ADGRE3: variants seen among roughly 807,000 people sequenced by gnomAD.
ADGRE3 encodes adhesion G protein-coupled receptor E3, also known as EGF-like module receptor 3.
ADGRE3 carries 88 observed loss-of-function variants against 80.1 expected under a neutral mutation model. That is an observed-to-expected ratio of 1.10 (90% CI 0.93 to 1.31). The LOEUF (loss-of-function observed/expected upper bound fraction) is 1.31, where lower values mean the gene tolerates loss of function less well. Among genes scored for constraint, ADGRE3 ranks in the 40% most tolerant of loss-of-function variants. ADGRE3 has a pLI of 0.00. For synonymous variants in ADGRE3, 281 were observed against 294.8 expected (o/e 0.95, Z 0.48); for missense variants, 715 against 776.5 (o/e 0.92, Z 0.94).
downstream of ADGRE3, among the ~76,000 whole-genome samples, chr19:14,615,060 C>T (rs1221282648): frequency 6.6e-6 from 1 of 151,978 alleles, no homozygotes; most frequent in Non-Finnish European, 1.5e-5. Context: ...TAACCAACCC[C>T]ATTTTATACC....
chr19:14,638,032 C>T, intron 11 of ADGRE3, 73 bp downstream of exon 11: 1 of 1,063,384 alleles, frequency 9.4e-7, no homozygotes. Flanking sequence ...ATATTCCCAC[C>T]ATCATCATGA....
At chr19:14,636,070 CCTTT>C (rs1568481081) in intron 11 of ADGRE3, among the ~76,000 whole-genome samples, 13 of 103,260 alleles carry the variant, frequency 1.3e-4, no homozygotes, top group Middle Eastern at 4.5e-3. Flanking sequence ...CCTTTCCTTT[CCTTT>C]CCTTTCCCTT....
At chr19:14,610,116 A>G in the ADGRE3 span, 3 of 1,612,060 alleles carry the variant, frequency 1.9e-6, no homozygotes, top group East Asian at 6.7e-5. Context: ...CTGTGCTACC[A>G]TGAACAAAGG....
At chr19:14,641,817 G>A (rs1333545520) in intron 9 of ADGRE3, among the ~76,000 whole-genome samples, 1 of 152,108 alleles carries the variant, frequency 6.6e-6, no homozygotes, top group African/African-American at 2.4e-5. Flanking sequence ...AATGTAGACT[G>A]CCAATGTAGA....
chr19:14,638,752 C>T (rs2146834930), intron 10 of ADGRE3, among the ~76,000 whole-genome samples: 1 of 152,200 alleles, frequency 6.6e-6, no homozygotes, highest in South Asian at 2.1e-4. Context: ...TAAACTAAGA[C>T]TTTGTATACT....
the ADGRE3 span, among the ~76,000 whole-genome samples, chr19:14,603,606 C>G: frequency 6.6e-6 from 1 of 151,912 alleles, no homozygotes; most frequent in African/African-American, 2.4e-5. Flanking sequence ...ACTATAGTCA[C>G]GTGCCACCAC....
In ADGRE3 at chr19:14,662,264, C is replaced by T. The variant is rs74836480; in HGVS notation, c.200-146G>A. On this transcript the variant is annotated intron_variant, in intron 3 of 15. Coordinates refer to ENST00000253673, the MANE Select transcript of ADGRE3 (RefSeq NM_032571.5). ...TTAGGTAATGGTTATCTTGGTTTTT[C>T]GCTTTCTTCATTGACTTTGGTGGGG... is the stretch of plus-strand genomic sequence containing the variant. The T allele has an allele frequency of 9.3e-3, 6,739 of 723,514 alleles. 327 individuals carry two copies. The African/African-American group carries it at 0.11, about 12-fold the overall frequency. 44.8% of individuals were successfully genotyped at this position (723,514 alleles called of 1,614,324 possible).
Position 14,662,042 on chromosome 19 carries a change from G to T in ADGRE3, c.276C>A (p.Phe92Leu). Residue 92 changes from phenylalanine (F) to leucine (L), a missense_variant, in exon 4 of 16, where the codon TTC becomes TTA. Physicochemically the swap from Phe to Leu is conservative, Grantham distance 22. Coordinates refer to ENST00000253673, the MANE Select transcript of ADGRE3 (RefSeq NM_032571.5). The stretch of plus-strand genomic sequence containing the variant: ...TATATCCTGGGACACATTGACAGTA[G>T]AAACTTCCTTCGACATTGTAACACA... ...NAVCYNVEGS[F>L]YCQCVPGYRL... 6.2e-7 allele frequency: 1 copy of T among 1,614,050 alleles called. No individual in the cohort carries two copies. The highest frequency in any genetic ancestry group is 1.1e-5 in the South Asian group (1 of 91,080).
chr19:14,645,747 GGGTTGCTTGA>G (rs1971383323), intron 8 of ADGRE3, among the ~76,000 whole-genome samples: 1 of 152,084 alleles, frequency 6.6e-6, no homozygotes. Context: ...TGAGGTGGGA[GGGTTGCTTGA>G]GGCCAGGAGT....
chr19:14,607,458 C>T, the ADGRE3 span, among the ~76,000 whole-genome samples: 2 of 151,928 alleles, frequency 1.3e-5, no homozygotes, highest in Non-Finnish European at 2.9e-5. Context: ...CCGCCTTGGC[C>T]TCCCAAAGTG....
At chr19:14,624,941 A>G (rs1970695698) in intron 15 of ADGRE3, among the ~76,000 whole-genome samples, 1 of 151,324 alleles carries the variant, frequency 6.6e-6, no homozygotes. Context: ...GAGGGGGGAG[A>G]GCATTAGGGA....
chr19:14,619,092 C>A, downstream of ADGRE3: 1 of 301,010 alleles, frequency 3.3e-6, no homozygotes, highest in Non-Finnish European at 6.2e-6. Context: ...CAGAGTGAAA[C>A]TCTGTCTTAA....
chr19:14,613,730 G>C, the ADGRE3 span, among the ~76,000 whole-genome samples: 1 of 152,080 alleles, frequency 6.6e-6, no homozygotes, highest in Non-Finnish European at 1.5e-5. Flanking sequence ...CTGTCACCCA[G>C]GCTGGAGTAC....
intron 6 of ADGRE3, among the ~76,000 whole-genome samples, chr19:14,654,021 C>T (rs1021862684): frequency 8.0e-5 from 12 of 150,048 alleles, no homozygotes; most frequent in Non-Finnish European, 1.2e-4. Context: ...GATGTGATCT[C>T]GGCTCACTGC....
chr19:14,640,381 C>T (rs888240055), intron 10 of ADGRE3, among the ~76,000 whole-genome samples: 3 of 152,028 alleles, frequency 2.0e-5, no homozygotes, highest in African/African-American at 7.2e-5. Context: ...CCTCTGCCTC[C>T]CGGGTTCAAG....
At chr19:14,624,295 T>C (rs1970678353) in intron 15 of ADGRE3, among the ~76,000 whole-genome samples, 1 of 152,150 alleles carries the variant, frequency 6.6e-6, no homozygotes, top group Non-Finnish European at 1.5e-5. Flanking sequence ...GGTTTCTCCA[T>C]GTTGGTCAGG....
At chr19:14,638,685 T>C (rs951431771) in intron 10 of ADGRE3, among the ~76,000 whole-genome samples, 10 of 152,076 alleles carry the variant, frequency 6.6e-5, no homozygotes, top group African/African-American at 2.4e-4. Context: ...GGTAGCAGAA[T>C]GTGCCACCTC....
At chr19:14,665,936 G>GGATATATATGCATACATATATA in intron 2 of ADGRE3, among the ~76,000 whole-genome samples, 1 of 42,098 alleles carries the variant, frequency 2.4e-5, no homozygotes, top group Non-Finnish European at 4.0e-5. Context: ...ACACATATGT[G>GGATATATATGCATACATATATA]TATATATATA....
At chr19:14,601,003 A>AGCGATTGTCCT in the ADGRE3 span, among the ~76,000 whole-genome samples, 1 of 147,114 alleles carries the variant, frequency 6.8e-6, no homozygotes, top group African/African-American at 2.6e-5. Flanking sequence ...CCCGGGTTCA[A>AGCGATTGTCCT]GCAATTCTAG....
Sources: allele counts gnomAD v4.1 joint callset (sites outside exome capture counted in the v4.1 genomes callset), GRCh38; gene constraint gnomAD v4.1.1; transcripts MANE v1.5; gene names NCBI Gene and HGNC (gene_info 2026-07-23, HGNC 2026-07-21).